NELL1: variants seen among roughly 807,000 people sequenced by gnomAD.
NELL1 encodes protein kinase C-binding protein NELL1.
A neutral mutation model predicts 107.4 loss-of-function variants in NELL1; 76 were observed. The observed-to-expected ratio is 0.71, with a 90% CI of 0.59 to 0.86. The LOEUF (loss-of-function observed/expected upper bound fraction) is 0.86, where lower values mean the gene tolerates loss of function less well. Among genes scored for constraint, NELL1 ranks in the 40% least tolerant of loss-of-function variants. NELL1 has a pLI of 0.00. For synonymous variants in NELL1, 353 were observed against 341.2 expected, an observed-to-expected ratio of 1.03 and a Z score of -0.38; for missense variants, 1,024 against 1,005.5, an observed-to-expected ratio of 1.02 and a Z score of -0.25.
At chr11:21,186,971 A>T (rs915858788) in intron 13 of NELL1, among the ~76,000 whole-genome samples, 1 of 151,770 alleles carries the variant, frequency 6.6e-6, no homozygotes, top group Non-Finnish European at 1.5e-5. Flanking sequence ...AGTCACTTTA[A>T]TATTGCTGAC....
chr11:21,572,359 T>G (rs1395989198), intron 18 of NELL1, among the ~76,000 whole-genome samples: 1 of 151,880 alleles, frequency 6.6e-6, no homozygotes, highest in Non-Finnish European at 1.5e-5. Context: ...ACTTAATAAA[T>G]ATTCAAGACT....
chr11:20,818,721 C>G (rs1482810814), intron 3 of NELL1, among the ~76,000 whole-genome samples: 1 of 152,084 alleles, frequency 6.6e-6, no homozygotes, highest in Non-Finnish European at 1.5e-5. Flanking sequence ...TGGGGAGCTT[C>G]CCAAATGGGT....
chr11:21,536,639 T>C (rs539212922), intron 16 of NELL1, among the ~76,000 whole-genome samples: 1 of 152,290 alleles, frequency 6.6e-6, no homozygotes, highest in South Asian at 2.1e-4. Context: ...TTCTTCTGTT[T>C]CTTCAGTGAG....
At chr11:21,547,038 T>C (rs755420373) in intron 16 of NELL1, among the ~76,000 whole-genome samples, 1 of 151,594 alleles carries the variant, frequency 6.6e-6, no homozygotes, top group Non-Finnish European at 1.5e-5. Context: ...CAGTCTGGAG[T>C]GGGGACAGTG....
chr11:21,116,976 A>G (rs1310382112), intron 13 of NELL1, among the ~76,000 whole-genome samples: 3 of 152,002 alleles, frequency 2.0e-5, no homozygotes, highest in Non-Finnish European at 4.4e-5. Flanking sequence ...AACCCTATAT[A>G]GTTTTCCTTC....
intron 12 of NELL1, among the ~76,000 whole-genome samples, chr11:21,006,810 T>C (rs1343089122): frequency 6.6e-6 from 1 of 152,142 alleles, no homozygotes; most frequent in Non-Finnish European, 1.5e-5. Context: ...TTTACAAGAC[T>C]GTTGTCTCTG....
In NELL1 at chr11:21,289,911, G is replaced by A. The variant is rs118001763; in HGVS notation, c.1549+60457G>A. ...ACTGGGTGGAGCCTACCACAGCTCC[G>A]AAAAGCCACTTAGCCAGACTGCCTC... On this transcript the variant is annotated intron_variant, in intron 14 of 19. Transcript: ENST00000357134. Among the ~76,000 whole-genome samples, 277 of 152,128 alleles carry A rather than the reference G, an allele frequency of 1.8e-3. 6 individuals are homozygous for A. In the East Asian group the frequency reaches 0.033, roughly 18 times the overall value.
At chr11:20,957,208 G>A (rs1285941867) in intron 11 of NELL1, among the ~76,000 whole-genome samples, 1 of 152,154 alleles carries the variant, frequency 6.6e-6, no homozygotes, top group African/African-American at 2.4e-5. Flanking sequence ...CTCCATGGGT[G>A]AACTAGGAAA....
rs553661737 is a variant in NELL1, at chr11:21,049,193, AC to A, written c.1301-64395del. On this transcript the variant is annotated intron_variant, in intron 12 of 19. Transcript: ENST00000357134. ...ACATAATTCTGGTAATCCTATTCCG[AC>A]AGAGGCAGCTCTTCTCCACTAAGGG... Among the ~76,000 whole-genome samples, 300 of 152,292 alleles carry A rather than the reference AC, an allele frequency of 2.0e-3. 2 individuals carry two copies. The highest frequency in any genetic ancestry group is 7.0e-3 in the African/African-American group (292 of 41,576).
chr11:20,763,740 A>C (rs1856472396), intron 2 of NELL1, among the ~76,000 whole-genome samples: 1 of 152,252 alleles, frequency 6.6e-6, no homozygotes, highest in African/African-American at 2.4e-5. Context: ...GACACCTGTA[A>C]CTCAGGCCCT....
chr11:20,758,107 C>T (rs1400856357), intron 2 of NELL1, among the ~76,000 whole-genome samples: 1 of 152,148 alleles, frequency 6.6e-6, no homozygotes, highest in Non-Finnish European at 1.5e-5. Flanking sequence ...AATTACCTTC[C>T]AAAGGCCTTG....
chr11:21,105,750 T>C (rs1337528504), intron 12 of NELL1, among the ~76,000 whole-genome samples: 1 of 151,090 alleles, frequency 6.6e-6, no homozygotes, highest in Non-Finnish European at 1.5e-5. Flanking sequence ...AATAATTTCT[T>C]CCTAACTCCT....
chr11:20,703,004 A>T (rs1019034764), intron 2 of NELL1, among the ~76,000 whole-genome samples: 17 of 151,558 alleles, frequency 1.1e-4, no homozygotes, highest in Non-Finnish European at 2.1e-4. Flanking sequence ...GCTTTGGATG[A>T]TGCTGGCCTT....
chr11:21,345,428 TC>T (rs1047950508), intron 14 of NELL1, among the ~76,000 whole-genome samples: 5 of 152,146 alleles, frequency 3.3e-5, no homozygotes, highest in African/African-American at 9.7e-5. Context: ...CATTTGCATA[TC>T]CATATCTTAT....
chr11:21,214,255 A>G (rs972859877), intron 13 of NELL1, among the ~76,000 whole-genome samples: 2 of 152,184 alleles, frequency 1.3e-5, no homozygotes, highest in Non-Finnish European at 2.9e-5. Context: ...TCGTGTCAGC[A>G]CTCAAAATGT....
chr11:21,464,998 G>T (rs1259863576), intron 15 of NELL1, among the ~76,000 whole-genome samples: 1 of 152,120 alleles, frequency 6.6e-6, no homozygotes, highest in African/African-American at 2.4e-5. Flanking sequence ...TTGAAAGGCA[G>T]GTATGATGTT....
At chr11:21,273,595 C>T (rs1167646502) in intron 14 of NELL1, among the ~76,000 whole-genome samples, 3 of 152,032 alleles carry the variant, frequency 2.0e-5, no homozygotes, top group East Asian at 3.9e-4. Context: ...CCAAGACACA[C>T]AATTGTCAGA....
intron 14 of NELL1, among the ~76,000 whole-genome samples, chr11:21,314,067 C>T (rs61885486): frequency 0.17 from 23,376 of 138,828 alleles, 2,365 homozygotes; most frequent in Middle Eastern, 0.31. Context: ...GCTTTACCTC[C>T]ACCATGATTA....
intron 15 of NELL1, among the ~76,000 whole-genome samples, chr11:21,486,488 T>G (rs947566415): frequency 6.6e-6 from 1 of 152,122 alleles, no homozygotes; most frequent in Non-Finnish European, 1.5e-5. Context: ...CCTTCTCCTA[T>G]GAAAGCAAGT....
Sources: allele counts gnomAD v4.1 joint callset (sites outside exome capture counted in the v4.1 genomes callset), GRCh38; gene constraint gnomAD v4.1.1; transcripts MANE v1.5; gene names NCBI Gene and HGNC (gene_info 2026-07-23, HGNC 2026-07-21).